Variants in CDK14 observed in about 807,000 individuals in gnomAD.
CDK14 encodes cyclin-dependent kinase 14.
A neutral mutation model predicts 60.7 loss-of-function variants in CDK14; 34 were observed. The observed-to-expected ratio is 0.56, with a 90% CI of 0.43 to 0.75. The LOEUF is 0.75. Ranked by LOEUF, CDK14 falls within the 30% of genes least tolerant of loss-of-function variation. CDK14 has a pLI of 0.00. For synonymous variants in CDK14, 197 were observed against 203.7 expected (o/e 0.97, Z 0.28); for missense variants, 482 against 564.1 (o/e 0.85, Z 1.47).
At chr7:90,841,178 G>A (rs943865604) in intron 5 of CDK14, among the ~76,000 whole-genome samples, 2 of 152,050 alleles carry the variant, frequency 1.3e-5, no homozygotes, top group African/African-American at 4.8e-5. Context: ...AAAAATAAAA[G>A]TTACAGGGAA....
intron 5 of CDK14, among the ~76,000 whole-genome samples, chr7:90,834,233 C>T (rs549923981): frequency 6.6e-6 from 1 of 152,218 alleles, no homozygotes; most frequent in Non-Finnish European, 1.5e-5. Flanking sequence ...ACAATTACTA[C>T]ATTTTCCTAC....
At chr7:90,895,364 T>A (rs568000248) in intron 6 of CDK14, among the ~76,000 whole-genome samples, 115 of 7,428 alleles carry the variant, frequency 0.015, 3 homozygotes, top group South Asian at 0.047. Flanking sequence ...TCCTCACCTC[T>A]CCTCCCCTCC....
chr7:90,759,834 A>C (rs1562756587), intron 4 of CDK14, among the ~76,000 whole-genome samples: 1 of 152,182 alleles, frequency 6.6e-6, no homozygotes, highest in Admixed American at 6.5e-5. Context: ...TATTCAGACT[A>C]AGTTGTCCCA....
chr7:91,018,979 A>G (rs1035799825), intron 10 of CDK14, among the ~76,000 whole-genome samples: 4 of 152,202 alleles, frequency 2.6e-5, no homozygotes, highest in Admixed American at 2.0e-4. Flanking sequence ...TCAAAGGCCA[A>G]ATCTCCTAAT....
At chr7:91,013,115 A>G (rs1028525118) in intron 10 of CDK14, among the ~76,000 whole-genome samples, 3 of 152,344 alleles carry the variant, frequency 2.0e-5, no homozygotes, top group South Asian at 4.1e-4. Context: ...GCAACAGGTT[A>G]TCACTACTCT....
intron 14 of CDK14, among the ~76,000 whole-genome samples, chr7:91,119,024 A>T (rs1412221149): frequency 6.6e-6 from 1 of 151,676 alleles, no homozygotes; most frequent in African/African-American, 2.4e-5. Context: ...GAAAATTTTT[A>T]GTGTGTGTGT....
intron 2 of CDK14, among the ~76,000 whole-genome samples, chr7:90,692,965 A>C (rs1801585567): frequency 6.6e-6 from 1 of 152,076 alleles, no homozygotes; most frequent in Admixed American, 6.6e-5. Context: ...CCCTGGAGTA[A>C]AGCTTTTTGC....
chr7:90,638,089 G>T (rs936522973), intron 2 of CDK14, among the ~76,000 whole-genome samples: 1 of 151,550 alleles, frequency 6.6e-6, no homozygotes, highest in Non-Finnish European at 1.5e-5. Context: ...TATCCAATTT[G>T]CCAGTCTGTG....
At chr7:90,954,565 T>C (rs936659117) in intron 8 of CDK14, among the ~76,000 whole-genome samples, 2 of 151,792 alleles carry the variant, frequency 1.3e-5, no homozygotes, top group South Asian at 2.1e-4. Flanking sequence ...TAATCCCATA[T>C]TCCAGAGGTA....
At chr7:90,778,591 G>A (rs1405034297) in intron 4 of CDK14, among the ~76,000 whole-genome samples, 1 of 152,090 alleles carries the variant, frequency 6.6e-6, no homozygotes, top group African/African-American at 2.4e-5. Context: ...AGTCCTTTAT[G>A]CAGCCCAGAA....
chr7:90,826,859 A>G (rs1439986100), intron 5 of CDK14, among the ~76,000 whole-genome samples: 1 of 152,136 alleles, frequency 6.6e-6, no homozygotes, highest in East Asian at 1.9e-4. Flanking sequence ...TTCAATTGAT[A>G]CAATTGATGA....
chr7:90,817,301 G>C (rs533137587), intron 5 of CDK14, among the ~76,000 whole-genome samples: 1 of 152,238 alleles, frequency 6.6e-6, no homozygotes, highest in South Asian at 2.1e-4. Flanking sequence ...TCAAGTCCTT[G>C]AGTATACCCG....
intron 2 of CDK14, among the ~76,000 whole-genome samples, chr7:90,628,268 T>A (rs986192345): frequency 6.6e-6 from 1 of 152,160 alleles, no homozygotes; most frequent in African/African-American, 2.4e-5. Flanking sequence ...GAAAGGTGAT[T>A]TTTTAGGATT....
intron 4 of CDK14, among the ~76,000 whole-genome samples, chr7:90,777,370 T>G (rs1179523695): frequency 2.0e-5 from 3 of 152,332 alleles, no homozygotes; most frequent in East Asian, 1.9e-4. Context: ...TTTGAATGTT[T>G]ATAGTAAAAA....
chr7:90,896,861 C>T (rs2117343776), intron 6 of CDK14, among the ~76,000 whole-genome samples: 1 of 152,238 alleles, frequency 6.6e-6, no homozygotes, highest in Middle Eastern at 3.4e-3. Context: ...AATATGATTT[C>T]AGCTTTCTGG....
At chr7:91,014,712 AG>A (rs1486823500) in intron 10 of CDK14, among the ~76,000 whole-genome samples, 2 of 152,214 alleles carry the variant, frequency 1.3e-5, no homozygotes, top group African/African-American at 4.8e-5. Context: ...AGTAAAGGTT[AG>A]CTATGTGTAT....
intron 12 of CDK14, among the ~76,000 whole-genome samples, chr7:91,103,832 GAGAGAGAGAGAA>G (rs890616525): frequency 5.9e-5 from 9 of 151,834 alleles, no homozygotes; most frequent in African/African-American, 1.9e-4. Context: ...GACCGAGAGA[GAGAGAGAGAGAA>G]AGAGAGAGAG....
chr7:91,006,761 GATGTGTGTTTCACCCCAAA>G, intron 10 of CDK14, among the ~76,000 whole-genome samples: 1 of 152,320 alleles, frequency 6.6e-6, no homozygotes, highest in East Asian at 1.9e-4. Flanking sequence ...GTTTGTGAGT[GATGTGTGTTTCACCCCAAA>G]ATGATACAAA....
At chr7:90,709,990 G>T in intron 2 of CDK14, 1 of 999,056 alleles carries the variant, frequency 1.0e-6, no homozygotes. Context: ...TTACAGGAGG[G>T]GTTTTAATTT....
Sources: allele counts gnomAD v4.1 joint callset (sites outside exome capture counted in the v4.1 genomes callset), GRCh38; gene constraint gnomAD v4.1.1; transcripts MANE v1.5; gene names NCBI Gene and HGNC (gene_info 2026-07-23, HGNC 2026-07-21).